OR56A3: variants seen among roughly 807,000 people sequenced by gnomAD.
OR56A3 encodes the protein olfactory receptor family 56 subfamily A member 3.
A neutral mutation model predicts 17.5 loss-of-function variants in OR56A3; 23 were observed. The observed-to-expected ratio is 1.32, with a 90% CI of 0.95 to 1.87. The LOEUF (loss-of-function observed/expected upper bound fraction) is 1.87. Ranked by LOEUF, OR56A3 falls within the 40% of genes most tolerant of loss-of-function variation. The pLI, the probability that OR56A3 is intolerant of heterozygous loss-of-function variation, is 0.00. For synonymous variants in OR56A3, 175 were observed against 150.6 expected, an observed-to-expected ratio of 1.16 and a Z score of -1.19; for missense variants, 366 against 380.1, an observed-to-expected ratio of 0.96 and a Z score of 0.31.
chr11:6,001,836 T>C, the OR56A3 span: 4 of 493,202 alleles, frequency 8.1e-6, no homozygotes, highest in Non-Finnish European at 1.4e-5. Flanking sequence ...AAAGTAACCA[T>C]AGAATCCAGA....
chr11:5,997,345 T>A, the OR56A3 span, among the ~76,000 whole-genome samples: 1 of 152,182 alleles, frequency 6.6e-6, no homozygotes, highest in East Asian at 1.9e-4. Flanking sequence ...GCTCATTATT[T>A]TCCTAGTTCC....
At chr11:5,944,053 T>G (rs142563130) in intron 1 of OR56A3, among the ~76,000 whole-genome samples, 1 of 152,200 alleles carries the variant, frequency 6.6e-6, no homozygotes, top group Non-Finnish European at 1.5e-5. Flanking sequence ...ATGAACATAG[T>G]GCCCAGGGCA....
the OR56A3 span, among the ~76,000 whole-genome samples, chr11:5,962,539 T>C: frequency 1.2e-3 from 187 of 150,016 alleles, no homozygotes; most frequent in Non-Finnish European, 2.2e-3. Flanking sequence ...TTCTTTTTTT[T>C]TTTTTTTTTT....
the OR56A3 span, among the ~76,000 whole-genome samples, chr11:5,969,323 T>C: frequency 4.6e-5 from 7 of 152,362 alleles, no homozygotes; most frequent in East Asian, 1.3e-3. Context: ...CAATTTTCCA[T>C]ATTTTCTATT....
chr11:5,960,592 G>T, the OR56A3 span, among the ~76,000 whole-genome samples: 2 of 152,184 alleles, frequency 1.3e-5, no homozygotes, highest in Non-Finnish European at 2.9e-5. Flanking sequence ...GTGCAGTGGC[G>T]TGATCTCGGC....
the OR56A3 span, among the ~76,000 whole-genome samples, chr11:6,012,160 T>C: frequency 6.6e-6 from 1 of 152,224 alleles, no homozygotes; most frequent in Non-Finnish European, 1.5e-5. Context: ...CCCGAGATTT[T>C]GTCCTGTGAC....
the OR56A3 span, among the ~76,000 whole-genome samples, chr11:5,956,712 C>A: frequency 6.6e-6 from 1 of 152,122 alleles, no homozygotes; most frequent in Non-Finnish European, 1.5e-5. Context: ...TTGCTTCTCC[C>A]ATAGGTCAAA....
At chr11:6,005,691 G>T in the OR56A3 span, among the ~76,000 whole-genome samples, 1 of 152,190 alleles carries the variant, frequency 6.6e-6, no homozygotes, top group Non-Finnish European at 1.5e-5. Flanking sequence ...CAGATTCCTT[G>T]TCTGGCTAGA....
chr11:5,947,391 C>A lies in OR56A3; in HGVS notation c.45C>A (p.Asp15Glu). The stretch of plus-strand genomic sequence containing the variant: ...ACACCCTCTCCACTGAAGCTTCAGA[C>A]TTCCTCTTGAATTGTTTTGTCAGAT... ...RNDTLSTEAS[D>E]FLLNCFVRSP... Residue 15 changes from aspartate (D) to glutamate (E), a missense_variant, in exon 3 of 3, where the codon GAC becomes GAA. Transcript: ENST00000641160. The A allele has an allele frequency of 6.2e-7, 1 of 1,613,512 alleles. No homozygotes were observed.
the OR56A3 span, chr11:5,986,705 A>G: frequency 3.0e-5 from 49 of 1,613,838 alleles, no homozygotes; most frequent in Admixed American, 1.5e-4. Flanking sequence ...AGGTACATAG[A>G]TTGGTGCAAG....
At chr11:5,990,600 A>G in the OR56A3 span, among the ~76,000 whole-genome samples, 1 of 152,058 alleles carries the variant, frequency 6.6e-6, no homozygotes, top group Admixed American at 6.5e-5. Flanking sequence ...CAGTGGCCTG[A>G]TCTCTATGAT....
At chr11:5,968,485 G>C in the OR56A3 span, 1 of 1,551,628 alleles carries the variant, frequency 6.4e-7, no homozygotes, top group Non-Finnish European at 8.7e-7. Context: ...TTGTTGCTGG[G>C]TAATGTCATG....
At chr11:6,004,374 G>A in the OR56A3 span, among the ~76,000 whole-genome samples, 1 of 152,044 alleles carries the variant, frequency 6.6e-6, no homozygotes, top group Non-Finnish European at 1.5e-5. Context: ...AAAAAAGAGA[G>A]GGAGATTAGG....
At chr11:6,021,724 G>T in the OR56A3 span, 1 of 151,794 alleles carries the variant, frequency 6.6e-6, no homozygotes, top group Non-Finnish European at 1.5e-5. Context: ...AAGGCAGATG[G>T]CATTAAAAAA....
the OR56A3 span, among the ~76,000 whole-genome samples, chr11:5,969,025 C>A: frequency 3.3e-5 from 5 of 152,152 alleles, no homozygotes; most frequent in African/African-American, 1.2e-4. Flanking sequence ...TAATATACTC[C>A]CAACCCTATT....
At chr11:6,015,519 A>G in the OR56A3 span, among the ~76,000 whole-genome samples, 2 of 152,202 alleles carry the variant, frequency 1.3e-5, no homozygotes, top group Non-Finnish European at 2.9e-5. Flanking sequence ...AGCAGCTTGC[A>G]TCCTGTGCCT....
the OR56A3 span, among the ~76,000 whole-genome samples, chr11:6,014,989 C>CAAAAAAAA: frequency 6.0e-4 from 21 of 35,198 alleles, 2 homozygotes; most frequent in African/African-American, 1.2e-3. Flanking sequence ...TATTCATGGG[C>CAAAAAAAA]AAAAAAAAAA....
At chr11:5,944,281 G>T (rs1417631781) in intron 1 of OR56A3, among the ~76,000 whole-genome samples, 6 of 152,162 alleles carry the variant, frequency 3.9e-5, no homozygotes, top group Admixed American at 3.9e-4. Flanking sequence ...CCTTGAAGGG[G>T]TTGTTCCTTA....
At position 5,947,549 on chromosome 11, in the gene OR56A3, G is replaced by A. The variant is rs375947858; in HGVS notation, c.203G>A (p.Ser68Asn). The change falls in exon 3 of 3, where the codon AGC (serine) becomes AAC (asparagine). Residue 68 changes from serine (S) to asparagine (N), a missense_variant. Ser to Asn is a conservative substitution (Grantham distance 46). Transcript: ENST00000641160. Reference sequence around the variant, plus strand: ...CACCAGCCCCTGTACTACCTGCTCAGCCTCCTCTCCCTGCTGGACATCGTG... The same window carrying A: ...CACCAGCCCCTGTACTACCTGCTCAACCTCCTCTCCCTGCTGGACATCGTG... Reference protein sequence around the residue: ...SLHQPLYYLLSLLSLLDIVLC... With the variant: ...SLHQPLYYLLNLLSLLDIVLC... 1.2e-6 allele frequency: 2 copies of A among 1,614,010 alleles called. No individual in the cohort carries two copies. The highest frequency in any genetic ancestry group is 1.7e-6 in the Non-Finnish European group (2 of 1,180,030).
Sources: allele counts gnomAD v4.1 joint callset (sites outside exome capture counted in the v4.1 genomes callset), GRCh38; gene constraint gnomAD v4.1.1; transcripts MANE v1.5; gene names NCBI Gene and HGNC (gene_info 2026-07-23, HGNC 2026-07-21).